Variants in CYP2C18 observed in about 807,000 individuals in gnomAD.
CYP2C18 encodes cytochrome P450 family 2 subfamily C member 18.
In CYP2C18, 38 loss-of-function variants were observed where a neutral mutation model predicts 41.3. The observed-to-expected ratio is 0.92, with a 90% CI of 0.71 to 1.21. The LOEUF (loss-of-function observed/expected upper bound fraction) is 1.21, where lower values mean the gene tolerates loss of function less well. Among genes scored for constraint, CYP2C18 ranks in the 50% most tolerant of loss-of-function variants. The pLI is 0.00. For synonymous variants in CYP2C18, 236 were observed against 210.0 expected, an observed-to-expected ratio of 1.12 and a Z score of -1.07; for missense variants, 635 against 591.4, an observed-to-expected ratio of 1.07 and a Z score of -0.77.
chr10:94,690,903 A>G (rs1466162383), intron 3 of CYP2C18, among the ~76,000 whole-genome samples: 1 of 152,216 alleles, frequency 6.6e-6, no homozygotes, highest in Non-Finnish European at 1.5e-5. Flanking sequence ...CCAGTATATA[A>G]ACAGAACCAA....
At chr10:94,717,452 G>C (rs1039088369) in intron 5 of CYP2C18, among the ~76,000 whole-genome samples, 9 of 152,164 alleles carry the variant, frequency 5.9e-5, no homozygotes, top group Non-Finnish European at 1.2e-4. Context: ...GTTTAGTTTG[G>C]CTGGATATGA....
intron 6 of CYP2C18, among the ~76,000 whole-genome samples, chr10:94,722,834 C>T (rs186847644): frequency 1.3e-5 from 2 of 152,050 alleles, no homozygotes; most frequent in East Asian, 1.9e-4. Flanking sequence ...AGGCCTTTAG[C>T]GCCTTTTTCT....
In CYP2C18 at chr10:94,706,908, A is replaced by G. The variant is rs752578093; in HGVS notation, c.767A>G (p.Asp256Gly). The change falls in exon 5 of 9, where the codon GAC becomes GGC. Residue 256 changes from aspartate (D) to glycine (G), a missense_variant. Asp to Gly is a moderately conservative substitution (Grantham distance 94). Coordinates refer to ENST00000285979, the MANE Select transcript of CYP2C18 (RefSeq NM_000772.3). Reference protein sequence around the residue: ...ERIKEHQESLDMNSARDFIDC... With the variant: ...ERIKEHQESLGMNSARDFIDC... ...ATAAAAGAACATCAAGAATCCCTGG[A>G]CATGAACAGTGCTCGGGACTTTATT... 7.4e-6 allele frequency: 12 copies of G among 1,612,748 alleles called. No homozygotes were observed. Among genetic ancestry groups the G allele is most frequent in the Non-Finnish European group, 9.3e-6 (11 of 1,179,396 alleles).
chr10:94,719,678 G>A (rs1435408588), intron 5 of CYP2C18, among the ~76,000 whole-genome samples: 1 of 151,866 alleles, frequency 6.6e-6, no homozygotes, highest in Non-Finnish European at 1.5e-5. Context: ...GGGTTCAAGT[G>A]ATTCTTATGC....
chr10:94,691,254 G>T (rs1177725385), intron 3 of CYP2C18, among the ~76,000 whole-genome samples: 2 of 152,184 alleles, frequency 1.3e-5, no homozygotes, highest in Admixed American at 6.5e-5. Flanking sequence ...CAGATAACAT[G>T]ATTGTATATC....
At chr10:94,704,963 G>A (rs1205134463) in intron 4 of CYP2C18, among the ~76,000 whole-genome samples, 2 of 152,066 alleles carry the variant, frequency 1.3e-5, no homozygotes, top group South Asian at 2.1e-4. Flanking sequence ...TGACTGCCTC[G>A]TGTTAGCCCG....
At chr10:94,690,911 C>G (rs1202177481) in intron 3 of CYP2C18, among the ~76,000 whole-genome samples, 1 of 152,128 alleles carries the variant, frequency 6.6e-6, no homozygotes, top group Non-Finnish European at 1.5e-5. Context: ...TAAACAGAAC[C>G]AAAGACAAAA....
chr10:94,700,047 A>G (rs1421893021), intron 4 of CYP2C18, among the ~76,000 whole-genome samples: 3 of 152,220 alleles, frequency 2.0e-5, no homozygotes, highest in African/African-American at 7.2e-5. Flanking sequence ...AGACGGCCAT[A>G]CTGCCCAAGG....
intron 4 of CYP2C18, among the ~76,000 whole-genome samples, chr10:94,701,031 C>T (rs1433115868): frequency 1.3e-5 from 2 of 152,158 alleles, no homozygotes; most frequent in Non-Finnish European, 2.9e-5. Flanking sequence ...GGACTGTAAA[C>T]TAGTTCAACC....
intron 6 of CYP2C18, 44 bp from the exon 7 acceptor site, chr10:94,724,302 C>T (rs747871353): frequency 1.4e-5 from 22 of 1,595,046 alleles, no homozygotes; most frequent in Non-Finnish European, 1.8e-5. Context: ...AACAAATGTG[C>T]CATTTTCCTC....
chr10:94,688,080 C>G, intron 2 of CYP2C18, 45 bp from the exon 3 acceptor site: 1 of 1,612,372 alleles, frequency 6.2e-7, no homozygotes, highest in Non-Finnish European at 8.5e-7. Flanking sequence ...CTCTCTTGTC[C>G]TTGTTTGGAT....
intron 8 of CYP2C18, 22 bp from the exon 9 acceptor site, chr10:94,735,241 C>A (rs1473225943): frequency 6.2e-7 from 1 of 1,611,580 alleles, no homozygotes; most frequent in South Asian, 1.1e-5. Flanking sequence ...AGGAACAAAT[C>A]CCCTATGTCT....
At chr10:94,712,353 G>A (rs774306666) in intron 5 of CYP2C18, among the ~76,000 whole-genome samples, 31 of 138,304 alleles carry the variant, frequency 2.2e-4, no homozygotes, top group Non-Finnish European at 3.2e-4. Flanking sequence ...CTTTCCCCCC[G>A]CCCCCAAGCC....
At chr10:94,684,578 A>G (rs893593402) in intron 1 of CYP2C18, among the ~76,000 whole-genome samples, 1 of 152,182 alleles carries the variant, frequency 6.6e-6, no homozygotes, top group African/African-American at 2.4e-5. Flanking sequence ...CATATATGTC[A>G]CATACAAAAT....
rs751192431 is a variant in CYP2C18 at position 94,733,350 on chromosome 10, C to T, written c.1203C>T (p.Phe401=). Residue 401 remains phenylalanine, a synonymous_variant, in exon 8 of 9, where the codon TTC becomes TTT. Transcript: ENST00000285979. ...LTSVLHNDKE[F]PNPEMFDPGH... ...CTGTGCTGCACAATGACAAAGAATTCCCCAACCCAGAGATGTTTGACCCTG... is the reference window on the plus strand; with the variant it reads ...CTGTGCTGCACAATGACAAAGAATTTCCCAACCCAGAGATGTTTGACCCTG... 1.3e-5 allele frequency: 21 copies of T among 1,613,314 alleles called. No homozygotes were observed. The African/African-American group carries it at 2.7e-4, about 21-fold the overall frequency.
rs1847905095 is a variant in CYP2C18, at chr10:94,735,446, G to A, written c.*2G>A. On this transcript the variant is annotated 3_prime_UTR_variant, in exon 9 of 9. Transcript: ENST00000285979. ...CAGCTCTGCTTCATTCCTGTCTGAA[G>A]AAGGGCAGATAGTTTGGCTGCTCCT... The A allele has an allele frequency of 6.2e-7, 1 of 1,613,168 alleles. No homozygotes were observed. Among genetic ancestry groups the A allele is most frequent in the South Asian group, 1.1e-5 (1 of 91,048 alleles).
chr10:94,711,661 T>A (rs533496078), intron 5 of CYP2C18, among the ~76,000 whole-genome samples: 3 of 152,282 alleles, frequency 2.0e-5, no homozygotes, highest in African/African-American at 7.2e-5. Context: ...TCCTCCTGCC[T>A]CAGCTTCCGA....
intron 4 of CYP2C18, among the ~76,000 whole-genome samples, chr10:94,702,991 C>G (rs1254803444): frequency 1.3e-5 from 2 of 152,166 alleles, no homozygotes; most frequent in Admixed American, 1.3e-4. Flanking sequence ...AGTCAGGCCC[C>G]TCTTCTGCAG....
intron 4 of CYP2C18, among the ~76,000 whole-genome samples, chr10:94,705,652 A>T (rs918255800): frequency 4.6e-5 from 7 of 151,808 alleles, no homozygotes; most frequent in African/African-American, 1.7e-4. Context: ...TTTTGTTTGA[A>T]TTTTTGGGTG....
Sources: allele counts gnomAD v4.1 joint callset (sites outside exome capture counted in the v4.1 genomes callset), GRCh38; gene constraint gnomAD v4.1.1; transcripts MANE v1.5; gene names NCBI Gene and HGNC (gene_info 2026-07-23, HGNC 2026-07-21).